The following TENM3 variants were observed in gnomAD, a reference collection of about 807,000 sequenced individuals.
TENM3 encodes the protein teneurin-3.
In TENM3, 63 loss-of-function variants were observed where a neutral mutation model predicts 255.1. The observed-to-expected ratio is 0.25, with a 90% CI of 0.20 to 0.30. The LOEUF (loss-of-function observed/expected upper bound fraction) is 0.30, where lower values mean the gene tolerates loss of function less well. TENM3 is among the 10% of genes least tolerant of loss of function. The pLI is 1.00. For missense variants in TENM3, 2,929 were observed against 3,461.1 expected, an observed-to-expected ratio of 0.85 and a Z score of 3.86; for synonymous variants, 1,306 against 1,322.3, an observed-to-expected ratio of 0.99 and a Z score of 0.27.
At chr4:182,683,883 A>C (rs1201988938) in intron 11 of TENM3, among the ~76,000 whole-genome samples, 1 of 151,980 alleles carries the variant, frequency 6.6e-6, no homozygotes, top group African/African-American at 2.4e-5. Context: ...AATCTGAGGG[A>C]CATTTGAAAG....
At chr4:182,204,158 C>T (rs1000385319) in intron 1 of TENM3, among the ~76,000 whole-genome samples, 2 of 152,138 alleles carry the variant, frequency 1.3e-5, no homozygotes, top group Admixed American at 6.5e-5. Context: ...TTTTGAGGCT[C>T]ATTATGATTA....
At chr4:182,593,735 A>G (rs1255098522) in intron 3 of TENM3, among the ~76,000 whole-genome samples, 1 of 151,940 alleles carries the variant, frequency 6.6e-6, no homozygotes, top group Non-Finnish European at 1.5e-5. Context: ...CTCATCTCAC[A>G]CTCACCTTTT....
At chr4:182,523,811 C>A (rs1226064363) in intron 3 of TENM3, among the ~76,000 whole-genome samples, 1 of 141,382 alleles carries the variant, frequency 7.1e-6, no homozygotes, top group Non-Finnish European at 1.6e-5. Context: ...CCTTATTTTC[C>A]TATTTAAAAA....
intron 1 of TENM3, among the ~76,000 whole-genome samples, chr4:182,161,765 A>T (rs1483048174): frequency 2.3e-5 from 1 of 42,892 alleles, no homozygotes; most frequent in African/African-American, 1.0e-4. Flanking sequence ...ATACATATAT[A>T]TGTGTATATA....
intron 3 of TENM3, among the ~76,000 whole-genome samples, chr4:182,441,141 A>C (rs1001912482): frequency 2.0e-5 from 3 of 152,170 alleles, no homozygotes; most frequent in Non-Finnish European, 4.4e-5. Context: ...AGGGTATCAC[A>C]AAATTAGATC....
chr4:181,925,388 C>A, the TENM3 span, among the ~76,000 whole-genome samples: 1 of 152,154 alleles, frequency 6.6e-6, no homozygotes, highest in African/African-American at 2.4e-5. Context: ...CCTGTAATTG[C>A]TTTAATTTAT....
chr4:181,576,657 G>A, the TENM3 span, among the ~76,000 whole-genome samples: 1 of 152,182 alleles, frequency 6.6e-6, no homozygotes, highest in Admixed American at 6.5e-5. Flanking sequence ...CCTGGGTGTT[G>A]AATGCGTATG....
At chr4:182,067,688 G>T in the TENM3 span, among the ~76,000 whole-genome samples, 1 of 152,152 alleles carries the variant, frequency 6.6e-6, no homozygotes, top group African/African-American at 2.4e-5. Flanking sequence ...TCTCTTGCTG[G>T]AATATTGGTG....
chr4:181,493,088 A>C, the TENM3 span, among the ~76,000 whole-genome samples: 1 of 152,044 alleles, frequency 6.6e-6, no homozygotes. Context: ...ATTTTGGTCT[A>C]AAGGTGTGCA....
At chr4:182,728,882 AAAAAC>A (rs1760447663) in intron 13 of TENM3, 78 bp from the exon 14 acceptor site, 5 of 1,135,894 alleles carry the variant, frequency 4.4e-6, no homozygotes, top group East Asian at 5.0e-5. Flanking sequence ...TGAAAAAAAA[AAAAAC>A]AGTCAAGAAA....
intron 1 of TENM3, among the ~76,000 whole-genome samples, chr4:182,217,185 T>A (rs796116492): frequency 2.1e-4 from 32 of 151,886 alleles, no homozygotes; most frequent in African/African-American, 7.7e-4. Context: ...CATGTCCAGC[T>A]AATTTTTGTA....
the TENM3 span, among the ~76,000 whole-genome samples, chr4:181,680,439 A>G: frequency 2.6e-5 from 4 of 152,150 alleles, no homozygotes; most frequent in African/African-American, 9.7e-5. Flanking sequence ...ATATACTAAA[A>G]TAAGCCAGTC....
the TENM3 span, among the ~76,000 whole-genome samples, chr4:181,581,728 CTTT>C: frequency 2.2e-5 from 3 of 139,210 alleles, no homozygotes; most frequent in Non-Finnish European, 3.1e-5. Context: ...TTCCGCTTTA[CTTT>C]TTTTTTTTTT....
chr4:181,788,287 T>A, the TENM3 span, among the ~76,000 whole-genome samples: 86 of 152,290 alleles, frequency 5.6e-4, no homozygotes, highest in African/African-American at 1.9e-3. Flanking sequence ...ATATGTTAAG[T>A]ACCTAGCACT....
the TENM3 span, among the ~76,000 whole-genome samples, chr4:181,832,389 C>T: frequency 6.6e-6 from 1 of 152,144 alleles, no homozygotes; most frequent in Non-Finnish European, 1.5e-5. Flanking sequence ...TGCTACAGAA[C>T]CTAATTCTAA....
chr4:182,479,039 A>T (rs1396590737), intron 3 of TENM3, among the ~76,000 whole-genome samples: 1 of 151,910 alleles, frequency 6.6e-6, no homozygotes, highest in Non-Finnish European at 1.5e-5. Flanking sequence ...ATGTTTTTCA[A>T]TTTTTTGAAA....
intron 5 of TENM3, among the ~76,000 whole-genome samples, chr4:182,629,616 A>G (rs1208784582): frequency 1.3e-5 from 2 of 152,206 alleles, no homozygotes; most frequent in East Asian, 3.8e-4. Context: ...TTCTAAGTAT[A>G]GGAAAAGGCC....
At chr4:182,784,792 A>G (rs914264137) in intron 24 of TENM3, among the ~76,000 whole-genome samples, 5 of 152,106 alleles carry the variant, frequency 3.3e-5, no homozygotes, top group Non-Finnish European at 5.9e-5. Flanking sequence ...AAAGCGCAGT[A>G]TTCGGGTGGG....
the TENM3 span, among the ~76,000 whole-genome samples, chr4:181,805,864 C>A: frequency 6.6e-6 from 1 of 152,084 alleles, no homozygotes; most frequent in Non-Finnish European, 1.5e-5. Context: ...ACTTTCTAAT[C>A]CTGACTCTCT....
Sources: gnomAD v4.1 joint callset for allele counts (sites outside exome capture counted in the v4.1 genomes callset) on GRCh38, gnomAD v4.1.1 for gene constraint, MANE v1.5 for transcripts, NCBI Gene and HGNC (gene_info 2026-07-23, HGNC 2026-07-21) for gene names.